The following NPAS3 variants were observed in gnomAD, a reference collection of about 807,000 sequenced individuals.
NPAS3 encodes neuronal PAS domain protein 3, also known as neuronal PAS domain-containing protein 3.
Under a neutral mutation model 73.1 loss-of-function variants are expected in NPAS3, and 14 were observed. The observed-to-expected ratio is 0.19, with a 90% CI of 0.13 to 0.30. The LOEUF (loss-of-function observed/expected upper bound fraction) is 0.30, where lower values mean the gene tolerates loss of function less well. Among genes scored for constraint, NPAS3 ranks in the 10% least tolerant of loss-of-function variants. NPAS3 has a pLI of 1.00. For missense variants in NPAS3, 1,096 were observed against 1,250.0 expected (o/e 0.88, Z 1.86); for synonymous variants, 620 against 541.5 (o/e 1.14, Z -2.01).
chr14:32,997,720 G>A (rs2038637034), intron 1 of NPAS3, among the ~76,000 whole-genome samples: 3 of 150,424 alleles, frequency 2.0e-5, no homozygotes, highest in Admixed American at 6.6e-5. Flanking sequence ...GTCAGGAGAT[G>A]GAGACCATCC....
intron 4 of NPAS3, among the ~76,000 whole-genome samples, chr14:33,431,610 C>T (rs77955544): frequency 0.031 from 4,645 of 152,154 alleles, 159 homozygotes; most frequent in East Asian, 0.15. Flanking sequence ...TGTTATCTCT[C>T]GCCTTTGTTT....
intron 3 of NPAS3, among the ~76,000 whole-genome samples, chr14:33,278,504 T>TAA (rs3058293): frequency 0.45 from 63,266 of 139,376 alleles, 14,740 homozygotes; most frequent in African/African-American, 0.63. Context: ...AGAAGCCAAG[T>TAA]AAAAAAAAAA....
chr14:33,384,420 T>TAA, intron 4 of NPAS3, among the ~76,000 whole-genome samples: 1 of 150,770 alleles, frequency 6.6e-6, no homozygotes, highest in African/African-American at 2.4e-5. Context: ...CTGTGTTTTT[T>TAA]TAAAAAAAAA....
Position 33,585,275 on chromosome 14 carries a change from CT to C in NPAS3, c.558+25066del, listed in dbSNP as rs2056822684. On this transcript the variant is annotated intron_variant, in intron 5 of 11. Transcript: ENST00000356141. Reference sequence around the variant, plus strand: ...AGGTAAATCTAATAAATATGAAGGTCTGACGAAGGTTAGCAGTGTGAAGTGA... The same window carrying C: ...AGGTAAATCTAATAAATATGAAGGTCGACGAAGGTTAGCAGTGTGAAGTGA... Among the ~76,000 whole-genome samples the C allele has an allele frequency of 5.3e-5, 8 of 152,124 alleles. No homozygotes were observed. In the South Asian group the frequency reaches 1.7e-3, roughly 32 times the overall value.
At chr14:33,089,838 A>G (rs1223923225) in intron 2 of NPAS3, among the ~76,000 whole-genome samples, 1 of 152,216 alleles carries the variant, frequency 6.6e-6, no homozygotes, top group Non-Finnish European at 1.5e-5. Context: ...AGTGGAGGCC[A>G]ATATTCAACA....
intron 5 of NPAS3, among the ~76,000 whole-genome samples, chr14:33,590,562 T>C (rs1252518038): frequency 6.6e-6 from 1 of 152,196 alleles, no homozygotes; most frequent in African/African-American, 2.4e-5. Flanking sequence ...GAGCCACTTT[T>C]ATTTTTTGAA....
Position 32,958,872 on chromosome 14 carries a change from T to C in NPAS3, c.50+19506T>C, listed in dbSNP as rs75529537. ...GCCCCAGAACAGGCTCATAACAAAA[T>C]GGTGATGGTGGTAGTATTATTTTGC... is the stretch of plus-strand genomic sequence containing the variant. On this transcript the variant is annotated intron_variant, in intron 1 of 11. Transcript: ENST00000356141. Among the ~76,000 whole-genome samples, 544 of 152,226 alleles carry C rather than the reference T, an allele frequency of 3.6e-3. 1 individual carries two copies. The highest frequency in any genetic ancestry group is 0.012 in the African/African-American group (507 of 41,528).
At chr14:33,248,168 G>A (rs2048456277) in intron 3 of NPAS3, among the ~76,000 whole-genome samples, 1 of 152,208 alleles carries the variant, frequency 6.6e-6, no homozygotes, top group African/African-American at 2.4e-5. Context: ...GAACTTATGA[G>A]AATCATAACA....
At chr14:33,128,746 A>G (rs1470560588) in intron 2 of NPAS3, among the ~76,000 whole-genome samples, 1 of 152,136 alleles carries the variant, frequency 6.6e-6, no homozygotes, top group Non-Finnish European at 1.5e-5. Context: ...AATTGAATAC[A>G]TTGTGTTGCT....
At chr14:33,318,206 C>T (rs929638124) in intron 3 of NPAS3, among the ~76,000 whole-genome samples, 2 of 152,036 alleles carry the variant, frequency 1.3e-5, no homozygotes, top group Admixed American at 1.3e-4. Flanking sequence ...CGTCTGTGAA[C>T]TTTGAGGACA....
intron 4 of NPAS3, among the ~76,000 whole-genome samples, chr14:33,382,597 T>C (rs958648970): frequency 3.9e-5 from 6 of 152,164 alleles, no homozygotes; most frequent in African/African-American, 1.4e-4. Flanking sequence ...TTGTTATATA[T>C]AAGGCTCATC....
intron 6 of NPAS3, among the ~76,000 whole-genome samples, chr14:33,699,745 T>G (rs1194929266): frequency 6.6e-6 from 1 of 151,478 alleles, no homozygotes; most frequent in Non-Finnish European, 1.5e-5. Context: ...GTCAAAGACA[T>G]TTTTTTTTAA....
intron 1 of NPAS3, among the ~76,000 whole-genome samples, chr14:32,982,168 C>T (rs376175554): frequency 4.6e-5 from 7 of 152,132 alleles, no homozygotes; most frequent in East Asian, 1.9e-4. Flanking sequence ...TTCTTTACGG[C>T]GTGATTTCAT....
intron 8 of NPAS3, among the ~76,000 whole-genome samples, chr14:33,775,348 AAT>A (rs1380553576): frequency 2.6e-5 from 4 of 152,134 alleles, no homozygotes; most frequent in African/African-American, 9.7e-5. Context: ...CACAGGGAGA[AAT>A]ACTGCGTCAA....
At chr14:33,099,044 C>A (rs75004774) in intron 2 of NPAS3, among the ~76,000 whole-genome samples, 1 of 152,114 alleles carries the variant, frequency 6.6e-6, no homozygotes, top group African/African-American at 2.4e-5. Context: ...GGCCTTTTTC[C>A]AAGTCACACA....
intron 9 of NPAS3, among the ~76,000 whole-genome samples, chr14:33,782,617 C>T (rs1282774391): frequency 1.3e-5 from 2 of 152,114 alleles, no homozygotes; most frequent in East Asian, 3.9e-4. Context: ...CAGGGAGGCT[C>T]AAGGCTCTGG....
intron 5 of NPAS3, among the ~76,000 whole-genome samples, chr14:33,675,981 GAAA>G (rs370850396): frequency 7.2e-6 from 1 of 138,076 alleles, no homozygotes; most frequent in Non-Finnish European, 1.6e-5. Context: ...AGTGTGTGAG[GAAA>G]AAAAAAAAAA....
upstream of NPAS3, chr14:32,939,239 ACCCCCGCCCGCCCACGC>A (rs2035856700): frequency 2.2e-6 from 1 of 451,478 alleles, no homozygotes; most frequent in South Asian, 1.7e-5. Context: ...GCACACGCAC[ACCCCCGCCCGCCCACGC>A]CCCCCACCCG....
At chr14:33,262,585 T>C (rs2049014216) in intron 3 of NPAS3, among the ~76,000 whole-genome samples, 1 of 152,208 alleles carries the variant, frequency 6.6e-6, no homozygotes, top group South Asian at 2.1e-4. Context: ...TTCTCATTTT[T>C]CCACAATTAT....
Sources: allele counts gnomAD v4.1 joint callset (sites outside exome capture counted in the v4.1 genomes callset), GRCh38; gene constraint gnomAD v4.1.1; transcripts MANE v1.5; gene names NCBI Gene and HGNC (gene_info 2026-07-23, HGNC 2026-07-21).